Variants in EYS observed in about 807,000 individuals in gnomAD.
EYS encodes the protein EGF-like photoreceptor maintenance factor, also known as protein eyes shut homolog.
In EYS, 250 loss-of-function variants were observed where a neutral mutation model predicts 282.1. The ratio of observed to expected loss-of-function variants is 0.89; its 90% CI spans 0.80 to 0.98. The LOEUF is 0.98. Among genes scored for constraint, EYS ranks in the 50% least tolerant of loss-of-function variants. The pLI, the probability that EYS is intolerant of heterozygous loss-of-function variation, is 0.00. For synonymous variants in EYS, 1,355 were observed against 1,282.9 expected, an observed-to-expected ratio of 1.06 and a Z score of -1.20; for missense variants, 4,016 against 3,709.0, an observed-to-expected ratio of 1.08 and a Z score of -2.15.
Position 65,495,537 on chromosome 6 carries a change from CTAT to C in EYS, c.-130_-128del. The C allele has an allele frequency of 1.1e-6, 1 of 924,390 alleles. No homozygotes were observed. Among genetic ancestry groups the C allele is most frequent in the Non-Finnish European group, 1.7e-6 (1 of 598,482 alleles). The allele number at this position is 924,390 out of a possible 1,614,324, so 57.3% of individuals were successfully genotyped here. ...CTGGGAATTGGAATTGACCTTTTTT[CTAT>C]ACCCAAAGTAGCTTTGATGACAATG... On this transcript the variant is annotated 5_prime_UTR_variant, in exon 4 of 43. Transcript: ENST00000503581.
intron 22 of EYS, among the ~76,000 whole-genome samples, chr6:64,661,321 G>A (rs36152412): frequency 0.6 from 90,371 of 151,814 alleles, 27,076 homozygotes; most frequent in South Asian, 0.66. Flanking sequence ...CAGGACATAG[G>A]TATGGGCAAG....
intron 12 of EYS, among the ~76,000 whole-genome samples, chr6:65,294,880 A>T (rs1582110197): frequency 6.6e-6 from 1 of 151,950 alleles, no homozygotes; most frequent in African/African-American, 2.4e-5. Flanking sequence ...ATGTGAAGTA[A>T]TATGACCAAC....
chr6:65,550,143 C>CTTTCTTTTTTTTTTTTTTTTT (rs1562254227), intron 2 of EYS, among the ~76,000 whole-genome samples: 3 of 5,956 alleles, frequency 5.0e-4, no homozygotes, highest in Non-Finnish European at 4.9e-4. Context: ...TCTACTATAT[C>CTTTCTTTTTTTTTTTTTTTTT]TTTTTTTTTT....
chr6:64,643,978 T>C (rs1768263635), intron 22 of EYS, among the ~76,000 whole-genome samples: 1 of 152,222 alleles, frequency 6.6e-6, no homozygotes, highest in Non-Finnish European at 1.5e-5. Flanking sequence ...CCAAGCTGTT[T>C]AATCCAAAAA....
chr6:64,440,984 A>G (rs1774924725), intron 26 of EYS, among the ~76,000 whole-genome samples: 1 of 152,172 alleles, frequency 6.6e-6, no homozygotes, highest in Non-Finnish European at 1.5e-5. Flanking sequence ...CGGAACATGA[A>G]TTCTGCTAAA....
intron 11 of EYS, among the ~76,000 whole-genome samples, chr6:65,325,715 C>T (rs369079286): frequency 1.6e-4 from 25 of 152,066 alleles, no homozygotes; most frequent in African/African-American, 5.3e-4. Flanking sequence ...TGGTGCTTTA[C>T]CCAGGGTAGG....
intron 14 of EYS, among the ~76,000 whole-genome samples, chr6:64,952,468 C>CGTAGTGTAATATCT (rs1283741134): frequency 6.6e-6 from 1 of 151,974 alleles, no homozygotes; most frequent in Non-Finnish European, 1.5e-5. Flanking sequence ...CATAGTAAGA[C>CGTAGTGTAATATCT]AACCATAAAT....
rs140710604 is a variant in EYS at position 64,272,359 on chromosome 6, T to C, written c.6191+34611A>G. Among the ~76,000 whole-genome samples the C allele has an allele frequency of 5.4e-3, 827 of 152,304 alleles. 5 individuals carry two copies. Among genetic ancestry groups the C allele is most frequent in the African/African-American group, 0.018 (737 of 41,568 alleles). On this transcript the variant is annotated intron_variant, in intron 30 of 42. Transcript: ENST00000503581. ...TTTGCCTGTTAGTTGATGTAGTTTC[T>C]TCATAGTGTTGATGGTCTTTACAAT... is the stretch of plus-strand genomic sequence containing the variant.
intron 22 of EYS, among the ~76,000 whole-genome samples, chr6:64,743,168 A>G (rs1229229688): frequency 6.6e-6 from 1 of 152,160 alleles, no homozygotes; most frequent in African/African-American, 2.4e-5. Context: ...TTTACAGCAT[A>G]AGACTAATAT....
intron 30 of EYS, among the ~76,000 whole-genome samples, chr6:64,298,367 T>C (rs1045664723): frequency 2.0e-5 from 3 of 152,066 alleles, no homozygotes; most frequent in African/African-American, 7.2e-5. Flanking sequence ...GGGCACACAA[T>C]GTATAAAGAT....
At chr6:64,819,994 G>T (rs1764853153) in intron 21 of EYS, among the ~76,000 whole-genome samples, 4 of 152,018 alleles carry the variant, frequency 2.6e-5, no homozygotes. Flanking sequence ...TTAAAATAAT[G>T]ACAAATTACA....
chr6:64,397,519 T>C (rs1487590988), intron 28 of EYS, among the ~76,000 whole-genome samples: 1 of 151,042 alleles, frequency 6.6e-6, no homozygotes, highest in Non-Finnish European at 1.5e-5. Context: ...TTTGTCACAT[T>C]GTATTTTTTA....
intron 31 of EYS, among the ~76,000 whole-genome samples, chr6:64,169,428 G>A (rs964677947): frequency 1.9e-3 from 96 of 49,794 alleles, no homozygotes; most frequent in Non-Finnish European, 3.0e-3. Flanking sequence ...AATTTGAGGA[G>A]GAGTTTTTTT....
intron 41 of EYS, 117 bp from the exon 42 acceptor site, chr6:63,726,797 G>T (rs1768633172): frequency 1.1e-6 from 1 of 917,928 alleles, no homozygotes; most frequent in African/African-American, 1.7e-5. Flanking sequence ...TCGCCCAAGA[G>T]TTGCTTGTAG....
At chr6:65,663,953 G>C (rs2149827665) in intron 1 of EYS, among the ~76,000 whole-genome samples, 1 of 140,506 alleles carries the variant, frequency 7.1e-6, no homozygotes, top group Admixed American at 7.7e-5. Flanking sequence ...ATCACTGCAA[G>C]CTCCGCCTCA....
intron 12 of EYS, among the ~76,000 whole-genome samples, chr6:65,086,336 AAAG>A (rs937519897): frequency 2.0e-5 from 3 of 152,168 alleles, no homozygotes; most frequent in South Asian, 2.1e-4. Context: ...AATAAAAAAA[AAAG>A]AAGACTACAG....
intron 19 of EYS, among the ~76,000 whole-genome samples, chr6:64,838,019 G>T (rs183541317): frequency 5.6e-4 from 84 of 151,320 alleles, no homozygotes; most frequent in African/African-American, 2.0e-3. Flanking sequence ...TTAAAAAAAC[G>T]AATATTTTTG....
At chr6:65,665,819 A>G (rs1343221457) in intron 1 of EYS, among the ~76,000 whole-genome samples, 1 of 152,038 alleles carries the variant, frequency 6.6e-6, no homozygotes, top group Middle Eastern at 3.2e-3. Flanking sequence ...TCTAAATAAG[A>G]TAAGTATGGA....
At chr6:64,335,150 G>A (rs897058833) in intron 29 of EYS, among the ~76,000 whole-genome samples, 1 of 151,936 alleles carries the variant, frequency 6.6e-6, no homozygotes, top group Admixed American at 6.6e-5. Context: ...ACAAAGGGGG[G>A]AATAAAGAAG....
Sources: allele counts gnomAD v4.1 joint callset (sites outside exome capture counted in the v4.1 genomes callset), GRCh38; gene constraint gnomAD v4.1.1; transcripts MANE v1.5; gene names NCBI Gene and HGNC (gene_info 2026-07-23, HGNC 2026-07-21).